Variants in ENO4 observed in about 807,000 individuals in gnomAD.
ENO4 encodes enolase 4.
ENO4 carries 53 observed loss-of-function variants against 63.2 expected under a neutral mutation model. The ratio of observed to expected loss-of-function variants is 0.84; its 90% CI spans 0.67 to 1.05. The LOEUF (loss-of-function observed/expected upper bound fraction) is 1.05, where lower values mean the gene tolerates loss of function less well. ENO4 is among the 50% of genes least tolerant of loss of function. The pLI is 0.00. For synonymous variants in ENO4, 266 were observed against 283.8 expected (o/e 0.94, Z 0.63); for missense variants, 719 against 772.0 (o/e 0.93, Z 0.81).
At chr10:116,866,845 A>G (rs961568356) in intron 7 of ENO4, among the ~76,000 whole-genome samples, 2 of 151,994 alleles carry the variant, frequency 1.3e-5, no homozygotes, top group African/African-American at 4.8e-5. Flanking sequence ...GGAACGCTGA[A>G]TTGCTGGGCT....
intron 10 of ENO4, chr10:116,901,937 T>G: frequency 6.2e-7 from 1 of 1,601,400 alleles, no homozygotes; most frequent in Non-Finnish European, 8.5e-7. Context: ...GACTCTGAGG[T>G]GGCTAATATC....
intron 1 of ENO4, among the ~76,000 whole-genome samples, chr10:116,854,286 G>A (rs769577646): frequency 1.3e-5 from 2 of 152,140 alleles, no homozygotes; most frequent in African/African-American, 4.8e-5. Flanking sequence ...TGTGCCGGGC[G>A]CGGTGGCTCA....
At chr10:116,886,695 C>T (rs1847175501), downstream of ENO4, 1 of 1,229,920 alleles carries the variant, frequency 8.1e-7, no homozygotes, top group African/African-American at 1.5e-5. Flanking sequence ...ATATAGTAGT[C>T]TTTGAGATGC....
intron 10 of ENO4, among the ~76,000 whole-genome samples, chr10:116,898,928 A>G (rs1194983224): frequency 6.6e-6 from 1 of 152,210 alleles, no homozygotes; most frequent in Non-Finnish European, 1.5e-5. Flanking sequence ...ACTCAATTAT[A>G]TGGAATCTAT....
intron 1 of ENO4, among the ~76,000 whole-genome samples, chr10:116,852,925 GA>G (rs1196474998): frequency 6.6e-6 from 1 of 152,112 alleles, no homozygotes; most frequent in African/African-American, 2.4e-5. Context: ...TTTCCCAGTT[GA>G]AGCCCCACCC....
chr10:116,851,929 C>G (rs955152831), intron 1 of ENO4, among the ~76,000 whole-genome samples: 19 of 152,144 alleles, frequency 1.2e-4, no homozygotes, highest in Non-Finnish European at 2.5e-4. Context: ...AATGTCATTT[C>G]TTCTGTCCCT....
chr10:116,876,216 A>G lies in ENO4; in HGVS notation c.1493A>G (p.Gln498Arg), dbSNP rs1247036949. The change falls in exon 11 of 14, where the codon CAA becomes CGA. Residue 498 changes from glutamine to arginine, a missense_variant. This residue lies in a region of ENO4 where 168 missense variants were observed against 163.3 expected (regional missense o/e 1.03). Coordinates refer to ENST00000341276, the MANE Select transcript of ENO4 (RefSeq NM_001242699.2). Reference protein sequence around the residue: ...SNGLIIKHTNQTTMSDLVEIT... With the variant: ...SNGLIIKHTNRTTMSDLVEIT... ...GGGCTGATCATAAAACACACAAACC[A>G]AACTACAATGTCTGACTTGGTGGAA... The G allele has an allele frequency of 6.5e-7, 1 of 1,549,844 alleles. No homozygotes were observed. Among genetic ancestry groups the G allele is most frequent in the South Asian group, 1.2e-5 (1 of 83,788 alleles).
In ENO4 at chr10:116,900,345, C is replaced by A. The variant is rs994186050; in HGVS notation, c.1195-11154C>A. 25 of 586,698 alleles carry A rather than the reference C, an allele frequency of 4.3e-5. 1 individual carries two copies. In the East Asian group the frequency reaches 6.4e-4, roughly 15 times the overall value. 36.3% of individuals were successfully genotyped at this position (586,698 alleles called of 1,614,324 possible). On this transcript the variant is annotated intron_variant, in intron 10 of 10. Transcript: ENST00000369207. Reference sequence around the variant, plus strand: ...ATGAGAAATAAATTGAGCTTCACATCTGCCTTTATGGCATCTAACAACTGT... The same window carrying A: ...ATGAGAAATAAATTGAGCTTCACATATGCCTTTATGGCATCTAACAACTGT...
At chr10:116,891,738 T>G (rs1397760250) in intron 10 of ENO4, among the ~76,000 whole-genome samples, 1 of 151,956 alleles carries the variant, frequency 6.6e-6, no homozygotes, top group East Asian at 1.9e-4. Context: ...GTCCAAAACT[T>G]CACAAATTTT....
chr10:116,890,440 C>T (rs557636064), intron 10 of ENO4, among the ~76,000 whole-genome samples: 6 of 152,282 alleles, frequency 3.9e-5, no homozygotes, highest in African/African-American at 1.4e-4. Flanking sequence ...AACTTGTTAA[C>T]AGCAGACACA....
intron 12 of ENO4, 102 bp downstream of exon 12, chr10:116,879,460 T>A (rs544291925): frequency 7.1e-6 from 6 of 844,508 alleles, no homozygotes; most frequent in African/African-American, 3.4e-5. Context: ...TAACCTTTTA[T>A]GAAATAGACT....
At chr10:116,880,046 A>G (rs1846960522) in intron 13 of ENO4, 60 bp downstream of exon 13, 1 of 1,315,658 alleles carries the variant, frequency 7.6e-7, no homozygotes, top group Non-Finnish European at 1.1e-6. Flanking sequence ...CAAAGATTGG[A>G]AGAGGGGGAA....
At chr10:116,910,936 T>C (rs1848166190) in intron 10 of ENO4, among the ~76,000 whole-genome samples, 1 of 152,246 alleles carries the variant, frequency 6.6e-6, no homozygotes, top group African/African-American at 2.4e-5. Flanking sequence ...TTTAAAGACA[T>C]GCTTGATGAA....
At chr10:116,856,413 T>C in intron 2 of ENO4, 79 bp from the exon 3 acceptor site, 3 of 1,152,278 alleles carry the variant, frequency 2.6e-6, no homozygotes, top group South Asian at 1.5e-5. Context: ...ATTTCATGCA[T>C]GTTAAAAGCT....
At chr10:116,908,053 T>C (rs1339688251) in intron 10 of ENO4, 1 of 432,688 alleles carries the variant, frequency 2.3e-6, no homozygotes, top group African/African-American at 2.1e-5. Context: ...ATCTCATAAT[T>C]AACCTCTATT....
rs555875692 is a variant in ENO4, at chr10:116,904,072, T to C, written c.1195-7427T>C. 2.6e-5 allele frequency among the ~76,000 whole-genome samples: 4 copies of C among 152,318 alleles called. No individual in the cohort carries two copies. In the South Asian group the frequency reaches 6.2e-4, roughly 24 times the overall value. ...GGCAGATAACCATTAACCTGAGATC[T>C]TAGCTCTGCAAACTCTCAGGCTGTC... On this transcript the variant is annotated intron_variant, in intron 10 of 10. Transcript: ENST00000369207.
intron 6 of ENO4, among the ~76,000 whole-genome samples, chr10:116,862,261 C>T (rs778804293): frequency 9.9e-5 from 15 of 151,918 alleles, no homozygotes; most frequent in Non-Finnish European, 1.5e-4. Flanking sequence ...GTCAGGAGTT[C>T]GAGACCAGCC....
rs1202426484 is a variant in ENO4 at position 116,881,681 on chromosome 10, C to T, written c.*12C>T. Reference sequence around the variant, plus strand: ...CATCCTCTGGATAGGGCTGTACACACCCCAGGTTCCAGCCACACCATCAGT... The same window carrying T: ...CATCCTCTGGATAGGGCTGTACACATCCCAGGTTCCAGCCACACCATCAGT... On this transcript the variant is annotated 3_prime_UTR_variant, in exon 14 of 14. Coordinates refer to ENST00000341276, the MANE Select transcript of ENO4 (RefSeq NM_001242699.2). 1.4e-6 allele frequency: 2 copies of T among 1,476,624 alleles called. No individual in the cohort carries two copies. Among genetic ancestry groups the T allele is most frequent in the Non-Finnish European group, 1.8e-6 (2 of 1,108,784 alleles). The allele number at this position is 1,476,624 out of a possible 1,614,324, so 91.5% of individuals were successfully genotyped here. A position where few individuals can be genotyped will look rare whatever the true frequency, so the allele number is the denominator to read the frequency against.
At chr10:116,901,687 A>G (rs950677133) in intron 10 of ENO4, 1 of 1,404,540 alleles carries the variant, frequency 7.1e-7, no homozygotes, top group Non-Finnish European at 9.3e-7. Context: ...TCTCTAAAGG[A>G]AACAAATCAA....
Sources: allele counts gnomAD v4.1 joint callset (sites outside exome capture counted in the v4.1 genomes callset), GRCh38; gene constraint gnomAD v4.1.1; regional missense constraint gnomAD v4.1.1; transcripts MANE v1.5; gene names NCBI Gene and HGNC (gene_info 2026-07-23, HGNC 2026-07-21).